The following PTPRK variants were observed in gnomAD, a reference collection of about 807,000 sequenced individuals.
The protein encoded by PTPRK is protein tyrosine phosphatase receptor type K, also known as receptor-type tyrosine-protein phosphatase kappa.
Under a neutral mutation model 178.0 loss-of-function variants are expected in PTPRK, and 75 were observed. The observed-to-expected ratio is 0.42, with a 90% confidence interval of 0.35 to 0.51. PTPRK has a LOEUF of 0.51. Among genes scored for constraint, PTPRK ranks in the 20% least tolerant of loss-of-function variants. The pLI, the probability that PTPRK is intolerant of heterozygous loss-of-function variation, is 0.02. For missense variants in PTPRK, 1,441 were observed against 1,797.8 expected (o/e 0.80, Z 3.59); for synonymous variants, 637 against 620.6 (o/e 1.03, Z -0.39).
At chr6:128,277,922 A>C (rs1820991124) in intron 3 of PTPRK, among the ~76,000 whole-genome samples, 1 of 152,072 alleles carries the variant, frequency 6.6e-6, no homozygotes, top group Non-Finnish European at 1.5e-5. Context: ...ATATGAGAAC[A>C]TGAGAACAAA....
chr6:127,978,840 T>C (rs545457057), intron 25 of PTPRK, among the ~76,000 whole-genome samples: 45 of 152,254 alleles, frequency 3.0e-4, no homozygotes, highest in African/African-American at 1.1e-3. Flanking sequence ...TAATCCCTCA[T>C]AGACCTGGCA....
intron 7 of PTPRK, among the ~76,000 whole-genome samples, chr6:128,144,478 C>A (rs1247664037): frequency 6.6e-6 from 1 of 152,174 alleles, no homozygotes; most frequent in Admixed American, 6.6e-5. Context: ...ATTCCTCCCC[C>A]AGAGAGTCAC....
chr6:128,207,813 T>G (rs777444263), intron 6 of PTPRK, among the ~76,000 whole-genome samples: 1 of 152,110 alleles, frequency 6.6e-6, no homozygotes, highest in Non-Finnish European at 1.5e-5. Context: ...ACCCACCCAT[T>G]TTTCCCCTTT....
chr6:128,466,760 G>T (rs1222569592), intron 1 of PTPRK, among the ~76,000 whole-genome samples: 1 of 152,074 alleles, frequency 6.6e-6, no homozygotes, highest in Non-Finnish European at 1.5e-5. Context: ...AAAAGGCAGA[G>T]TATGCTTCAA....
At chr6:128,511,872 T>C (rs1562672682) in intron 1 of PTPRK, among the ~76,000 whole-genome samples, 3 of 152,134 alleles carry the variant, frequency 2.0e-5, no homozygotes, top group East Asian at 3.8e-4. Context: ...TTAAAGGATA[T>C]TGTGAGGATT....
chr6:128,162,784 G>A (rs1020190365), intron 7 of PTPRK, among the ~76,000 whole-genome samples: 4 of 151,700 alleles, frequency 2.6e-5, no homozygotes, highest in African/African-American at 9.6e-5. Context: ...TTGGAAAACA[G>A]CAATGTGGAC....
chr6:128,469,825 T>A (rs865820447), intron 1 of PTPRK, among the ~76,000 whole-genome samples: 11 of 151,860 alleles, frequency 7.2e-5, no homozygotes, highest in African/African-American at 2.4e-4. Context: ...AGAAAAGAGA[T>A]GACAGTGTGG....
At chr6:128,428,924 G>A (rs1304303879) in intron 1 of PTPRK, among the ~76,000 whole-genome samples, 4 of 152,158 alleles carry the variant, frequency 2.6e-5, no homozygotes, top group African/African-American at 9.7e-5. Flanking sequence ...CCAACTGTAG[G>A]CTAATGTAAA....
intron 7 of PTPRK, among the ~76,000 whole-genome samples, chr6:128,099,814 C>T (rs967839626): frequency 2.6e-5 from 4 of 152,002 alleles, no homozygotes; most frequent in Non-Finnish European, 4.4e-5. Flanking sequence ...TGATTAACAG[C>T]TTGCAGATCC....
chr6:128,216,789 C>G (rs141459527), intron 6 of PTPRK, among the ~76,000 whole-genome samples: 4 of 150,986 alleles, frequency 2.6e-5, no homozygotes, highest in African/African-American at 9.9e-5. Context: ...AGAAAATGTT[C>G]GCATGAAAGA....
At chr6:128,202,483 G>A (rs1403399972) in intron 6 of PTPRK, among the ~76,000 whole-genome samples, 3 of 152,104 alleles carry the variant, frequency 2.0e-5, no homozygotes, top group Non-Finnish European at 2.9e-5. Flanking sequence ...TCCCAGGGAG[G>A]GTCACTACAT....
At chr6:128,234,816 C>G (rs970220765) in intron 5 of PTPRK, among the ~76,000 whole-genome samples, 1 of 152,134 alleles carries the variant, frequency 6.6e-6, no homozygotes, top group Non-Finnish European at 1.5e-5. Context: ...GGGCACATGT[C>G]TTAATTTCTC....
chr6:128,043,148 C>T (rs1422610713), intron 13 of PTPRK, among the ~76,000 whole-genome samples: 2 of 152,004 alleles, frequency 1.3e-5, no homozygotes, highest in Non-Finnish European at 2.9e-5. Context: ...AAATCTCTGG[C>T]TTGTTCTTTA....
At chr6:128,489,079 ATAAT>A (rs554833928) in intron 1 of PTPRK, among the ~76,000 whole-genome samples, 30 of 152,314 alleles carry the variant, frequency 2.0e-4, no homozygotes, top group African/African-American at 4.6e-4. Flanking sequence ...ACTTTAAAAA[ATAAT>A]TAATTAATAA....
At chr6:128,201,778 C>T (rs957281339) in intron 6 of PTPRK, among the ~76,000 whole-genome samples, 17 of 151,972 alleles carry the variant, frequency 1.1e-4, no homozygotes, top group African/African-American at 4.1e-4. Context: ...TATCATGCTA[C>T]TTGTTAGGGC....
intron 13 of PTPRK, among the ~76,000 whole-genome samples, chr6:128,015,634 G>T (rs1338883578): frequency 1.3e-5 from 2 of 151,636 alleles, no homozygotes; most frequent in Non-Finnish European, 3.0e-5. Context: ...TGACACATAC[G>T]GCCTTTCACA....
At chr6:128,159,643 T>C (rs1218797966) in intron 7 of PTPRK, among the ~76,000 whole-genome samples, 1 of 151,738 alleles carries the variant, frequency 6.6e-6, no homozygotes, top group Non-Finnish European at 1.5e-5. Flanking sequence ...GTCTTCACAC[T>C]TTCTAAAGTA....
chr6:128,195,057 T>A (rs1005775802), intron 6 of PTPRK, among the ~76,000 whole-genome samples: 1 of 150,712 alleles, frequency 6.6e-6, no homozygotes, highest in Non-Finnish European at 1.5e-5. Flanking sequence ...TAAATATATG[T>A]GATATGTATA....
intron 7 of PTPRK, among the ~76,000 whole-genome samples, chr6:128,116,479 G>C (rs1055526423): frequency 2.6e-5 from 4 of 152,132 alleles, no homozygotes; most frequent in African/African-American, 7.2e-5. Flanking sequence ...TCAACAATAA[G>C]ATGTGTCACA....
Sources: gnomAD v4.1 joint callset for allele counts (sites outside exome capture counted in the v4.1 genomes callset) on GRCh38, gnomAD v4.1.1 for gene constraint, MANE v1.5 for transcripts, NCBI Gene and HGNC (gene_info 2026-07-23, HGNC 2026-07-21) for gene names.